CLYBL: variants seen among roughly 807,000 people sequenced by gnomAD.
The protein encoded by CLYBL is citramalyl-CoA lyase, mitochondrial.
CLYBL carries 31 observed loss-of-function variants against 38.9 expected under a neutral mutation model. That is an observed-to-expected ratio of 0.80 (90% confidence interval 0.60 to 1.08). The LOEUF is 1.08. Ranked by LOEUF, CLYBL falls within the 50% of genes least tolerant of loss-of-function variation. The probability of loss-of-function intolerance (pLI) is 0.00; values close to 1 mark genes in which losing one functional copy is unlikely to be tolerated. For missense variants in CLYBL, 434 were observed against 411.6 expected (o/e 1.05, Z -0.47); for synonymous variants, 171 against 158.6 (o/e 1.08, Z -0.59).
In CLYBL at chr13:99,849,389, T is replaced by G. The variant is rs1323458328; in HGVS notation, c.250-9472T>G. ...TTATCTGGGTATGGTGGTGCATGCC[T>G]GTAGTCACAGCTACTCAGGAGGCCA... On this transcript the variant is annotated intron_variant, in intron 2 of 8. Transcript: ENST00000339105. This position sits in a 1 kb window ranked among gnomAD's most constrained non-coding sequence, Gnocchi z 4.9. Among the ~76,000 whole-genome samples, 13 of 152,116 alleles carry G rather than the reference T, an allele frequency of 8.5e-5. No homozygotes were observed. Among genetic ancestry groups the G allele is most frequent in the Non-Finnish European group, 1.8e-4 (12 of 68,022 alleles).
At chr13:99,791,163 T>TC (rs2049907950) in intron 2 of CLYBL, among the ~76,000 whole-genome samples, 1 of 152,104 alleles carries the variant, frequency 6.6e-6, no homozygotes, top group Admixed American at 6.6e-5. Flanking sequence ...AACAGAAAAC[T>TC]CATTTAAATT....
At chr13:99,646,341 G>C (rs547458558) in intron 1 of CLYBL, among the ~76,000 whole-genome samples, 1 of 152,014 alleles carries the variant, frequency 6.6e-6, no homozygotes, top group East Asian at 1.9e-4. Flanking sequence ...GGGGGAAGAA[G>C]GGTTGCTGAA....
chr13:99,832,095 G>C (rs1272905264), intron 2 of CLYBL, among the ~76,000 whole-genome samples: 1 of 152,192 alleles, frequency 6.6e-6, no homozygotes, highest in East Asian at 1.9e-4. Flanking sequence ...TACAGTGTTT[G>C]CGGCAATATT....
At chr13:99,764,787 C>T (rs553981340) in intron 1 of CLYBL, among the ~76,000 whole-genome samples, 4 of 152,108 alleles carry the variant, frequency 2.6e-5, no homozygotes, top group South Asian at 4.1e-4. Context: ...AGCAATCCTC[C>T]TCCTGCCTCA....
At chr13:99,622,920 C>T (rs2046818683) in intron 1 of CLYBL, among the ~76,000 whole-genome samples, 1 of 152,206 alleles carries the variant, frequency 6.6e-6, no homozygotes, top group Non-Finnish European at 1.5e-5. Context: ...TAGCCTTGGA[C>T]TCCTGGGCTT....
At chr13:99,873,007 A>T (rs1455363454) in intron 7 of CLYBL, among the ~76,000 whole-genome samples, 1 of 152,102 alleles carries the variant, frequency 6.6e-6, no homozygotes, top group Non-Finnish European at 1.5e-5. Flanking sequence ...ACAGTGTGGC[A>T]GGATGGCTTT....
rs147108247 is a variant in CLYBL at position 99,753,814 on chromosome 13, C to T, written c.63-19010C>T. 4.4e-3 allele frequency among the ~76,000 whole-genome samples: 664 copies of T among 151,834 alleles called. 3 individuals carry two copies. Among genetic ancestry groups the T allele is most frequent in the South Asian group, 5.2e-3 (25 of 4,796 alleles). On this transcript the variant is annotated intron_variant, in intron 1 of 8. Transcript: ENST00000339105. ...CAAAAGTATTATGACATTGGCCGGG[C>T]GCGGTGGCTCATGCCTGTAATCCCA...
chr13:99,901,239 C>T (rs191626932), downstream of CLYBL, among the ~76,000 whole-genome samples: 2 of 152,252 alleles, frequency 1.3e-5, no homozygotes, highest in East Asian at 3.8e-4. Context: ...CTCCTTCCAT[C>T]TAGTCCTGCT....
At position 99,768,052 on chromosome 13, in the gene CLYBL, G is replaced by T. The variant is rs151049238; in HGVS notation, c.63-4772G>T. On this transcript the variant is annotated intron_variant, in intron 1 of 8. Transcript: ENST00000339105. ...AGTGAATGTTTGAATCTAACAGTGT[G>T]GTATCTAGAAATCAGATTCTCCCCC... 2.0e-5 allele frequency among the ~76,000 whole-genome samples: 3 copies of T among 152,012 alleles called. No homozygotes were observed. The East Asian group carries it at 5.8e-4, about 29-fold the overall frequency.
intron 1 of CLYBL, among the ~76,000 whole-genome samples, chr13:99,717,875 A>G (rs566030870): frequency 6.6e-6 from 1 of 152,216 alleles, no homozygotes; most frequent in South Asian, 2.1e-4. Flanking sequence ...AATGCAGCAT[A>G]TTTAATAACA....
chr13:99,723,662 C>A (rs1197009702), intron 1 of CLYBL, among the ~76,000 whole-genome samples: 1 of 152,188 alleles, frequency 6.6e-6, no homozygotes, highest in Admixed American at 6.5e-5. Context: ...CATCCATGGG[C>A]ACACGGGCAT....
In CLYBL at chr13:99,608,912, T is replaced by C. The variant is rs76027847; in HGVS notation, c.62+2155T>C. 2.4e-4 allele frequency among the ~76,000 whole-genome samples: 36 copies of C among 149,884 alleles called. No homozygotes were observed. The East Asian group carries it at 7.2e-3, about 30-fold the overall frequency. On this transcript the variant is annotated intron_variant, in intron 1 of 8. Coordinates refer to ENST00000339105, the MANE Select transcript of CLYBL (RefSeq NM_206808.5). ...CTCTTTGTCTTGGTCTTTCGGTGGT[T>C]TTATTATGATGTGTGTAGATCTGTT...
chr13:99,644,211 T>C (rs531391989), intron 1 of CLYBL, among the ~76,000 whole-genome samples: 2 of 143,074 alleles, frequency 1.4e-5, no homozygotes, highest in African/African-American at 5.0e-5. Flanking sequence ...TGTATGTGTA[T>C]ATGTGGTGTA....
chr13:99,621,447 C>T (rs1273494249), intron 1 of CLYBL, among the ~76,000 whole-genome samples: 3 of 152,154 alleles, frequency 2.0e-5, no homozygotes, highest in Non-Finnish European at 2.9e-5. Flanking sequence ...CTAACCTCTC[C>T]GCTGACTTTT....
intron 1 of CLYBL, among the ~76,000 whole-genome samples, chr13:99,687,476 C>G (rs1213427550): frequency 6.6e-6 from 1 of 152,150 alleles, no homozygotes; most frequent in African/African-American, 2.4e-5. Context: ...GGACTGAGGG[C>G]TGGATCCACT....
At chr13:99,621,316 C>T (rs1333918287) in intron 1 of CLYBL, among the ~76,000 whole-genome samples, 1 of 152,154 alleles carries the variant, frequency 6.6e-6, no homozygotes, top group Admixed American at 6.5e-5. Flanking sequence ...AGGCCGCTTA[C>T]CTGTGGCCCA....
chr13:99,867,428 G>A (rs1199442538), intron 6 of CLYBL, among the ~76,000 whole-genome samples: 1 of 151,946 alleles, frequency 6.6e-6, no homozygotes, highest in South Asian at 2.1e-4. Context: ...CTATTCTAGT[G>A]TTATATTCAA....
chr13:99,844,121 A>C (rs944508157), intron 2 of CLYBL, among the ~76,000 whole-genome samples: 21 of 151,682 alleles, frequency 1.4e-4, no homozygotes, highest in Non-Finnish European at 1.9e-4. Context: ...GAGTGTAAGC[A>C]GAAAACAAAA....
downstream of CLYBL, among the ~76,000 whole-genome samples, chr13:99,900,655 T>C (rs1055466041): frequency 2.2e-4 from 33 of 152,000 alleles, no homozygotes; most frequent in African/African-American, 7.0e-4. Context: ...ACCACTAAAC[T>C]CTCCAAATTC....
Sources: gnomAD v4.1 joint callset for allele counts (sites outside exome capture counted in the v4.1 genomes callset) on GRCh38, gnomAD v4.1.1 for gene constraint, Gnocchi (gnomAD v3.1) non-coding constraint, MANE v1.5 for transcripts, NCBI Gene and HGNC (gene_info 2026-07-23, HGNC 2026-07-21) for gene names.